MARCHF1: variants seen among roughly 807,000 people sequenced by gnomAD.
The protein encoded by MARCHF1 is membrane associated ring-CH-type finger 1.
In MARCHF1, 40 loss-of-function variants were observed where a neutral mutation model predicts 54.2. The observed-to-expected ratio is 0.74, with a 90% CI of 0.57 to 0.96. MARCHF1 has a LOEUF of 0.96. MARCHF1 is among the 40% of genes least tolerant of loss of function. MARCHF1 has a pLI of 0.00. For missense variants in MARCHF1, 586 were observed against 656.5 expected, an observed-to-expected ratio of 0.89 and a Z score of 1.17; for synonymous variants, 236 against 236.3, an observed-to-expected ratio of 1.00 and a Z score of 0.01.
intron 5 of MARCHF1, among the ~76,000 whole-genome samples, chr4:163,632,421 T>C (rs1027705320): frequency 1.3e-5 from 2 of 152,136 alleles, no homozygotes; most frequent in Non-Finnish European, 2.9e-5. Context: ...GGGCGAGGCA[T>C]TGCCTCACTC....
intron 5 of MARCHF1, among the ~76,000 whole-genome samples, chr4:163,674,037 G>A (rs1003537138): frequency 1.3e-5 from 2 of 152,138 alleles, no homozygotes; most frequent in Non-Finnish European, 2.9e-5. Flanking sequence ...CTGATAGGTG[G>A]TAGAAGGAGG....
At chr4:163,648,384 G>T (rs1181330168) in intron 5 of MARCHF1, among the ~76,000 whole-genome samples, 1 of 151,922 alleles carries the variant, frequency 6.6e-6, no homozygotes, top group Non-Finnish European at 1.5e-5. Flanking sequence ...AGGATTAGGA[G>T]TTCTGTGTTC....
rs767353741 is a variant in MARCHF1 at position 163,905,286 on chromosome 4, T to G, written c.-38-51117A>C. On this transcript the variant is annotated intron_variant, in intron 3 of 9. Coordinates refer to ENST00000514618, the MANE Select transcript of MARCHF1 (RefSeq NM_001394959.1). ...ATAATTTTCAATTCCATTCAACAAA[T>G]ACTTATCGAGTGCCCAATATGAACA... Among the ~76,000 whole-genome samples, 15 of 152,050 alleles carry G rather than the reference T, an allele frequency of 9.9e-5. 1 individual carries two copies. The highest frequency in any genetic ancestry group is 2.1e-4 in the Non-Finnish European group (14 of 67,988).
intron 2 of MARCHF1, among the ~76,000 whole-genome samples, chr4:164,001,788 A>G (rs1753190828): frequency 6.6e-6 from 1 of 151,806 alleles, no homozygotes; most frequent in Non-Finnish European, 1.5e-5. Flanking sequence ...ACGAGCTATA[A>G]AGAGAAAGCT....
intron 3 of MARCHF1, among the ~76,000 whole-genome samples, chr4:163,971,422 A>C (rs1752544958): frequency 1.3e-5 from 2 of 152,222 alleles, no homozygotes; most frequent in African/African-American, 4.8e-5. Context: ...AACTAAGGAA[A>C]CAGTTGTGTT....
At chr4:163,937,662 C>T (rs1051246306) in intron 3 of MARCHF1, among the ~76,000 whole-genome samples, 19 of 152,042 alleles carry the variant, frequency 1.2e-4, no homozygotes, top group African/African-American at 4.3e-4. Context: ...CCTAATTTTT[C>T]CTTGTAATCA....
intron 4 of MARCHF1, among the ~76,000 whole-genome samples, chr4:163,832,820 A>G (rs781090037): frequency 1.1e-5 from 1 of 88,470 alleles, no homozygotes; most frequent in Non-Finnish European, 2.7e-5. Flanking sequence ...ATTCCCACCT[A>G]CGAGTGAGAA....
At chr4:164,196,050 G>A (rs551833166) in intron 1 of MARCHF1, among the ~76,000 whole-genome samples, 1 of 151,980 alleles carries the variant, frequency 6.6e-6, no homozygotes, top group Non-Finnish European at 1.5e-5. Context: ...ACTGATAAAG[G>A]TATTATTGAT....
chr4:163,949,182 G>T (rs1420792972), intron 3 of MARCHF1, among the ~76,000 whole-genome samples: 1 of 152,228 alleles, frequency 6.6e-6, no homozygotes, highest in Non-Finnish European at 1.5e-5. Context: ...TGAGCATGGG[G>T]TCTGGCCACT....
At chr4:163,733,197 A>ATATATATATATATATACACGTG (rs1745906549) in intron 4 of MARCHF1, among the ~76,000 whole-genome samples, 10 of 32,310 alleles carry the variant, frequency 3.1e-4, no homozygotes, top group African/African-American at 6.4e-4. Flanking sequence ...ATATATATAT[A>ATATATATATATATATACACGTG]TATATATATA....
At chr4:163,813,985 C>T (rs1296421743) in intron 4 of MARCHF1, among the ~76,000 whole-genome samples, 1 of 152,148 alleles carries the variant, frequency 6.6e-6, no homozygotes, top group African/African-American at 2.4e-5. Context: ...GTGGCTTGGA[C>T]AGAATCCAGG....
chr4:164,037,382 T>C (rs1335150658), intron 2 of MARCHF1, among the ~76,000 whole-genome samples: 1 of 152,154 alleles, frequency 6.6e-6, no homozygotes, highest in African/African-American at 2.4e-5. Context: ...ATAGTTAATG[T>C]TAAGAAGCAT....
intron 3 of MARCHF1, among the ~76,000 whole-genome samples, chr4:163,928,908 A>G (rs1751595688): frequency 6.6e-6 from 1 of 151,850 alleles, no homozygotes; most frequent in Non-Finnish European, 1.5e-5. Flanking sequence ...ATAGTGTAGT[A>G]ATTGTCCTCA....
intron 5 of MARCHF1, among the ~76,000 whole-genome samples, chr4:163,620,606 C>CACACACACAGAG (rs1282901525): frequency 3.5e-5 from 2 of 56,870 alleles, no homozygotes; most frequent in African/African-American, 9.3e-5. Flanking sequence ...CACACACACA[C>CACACACACAGAG]AGAGAGAGAG....
chr4:163,598,767 T>C (rs538507396), intron 7 of MARCHF1, among the ~76,000 whole-genome samples: 2 of 152,320 alleles, frequency 1.3e-5, no homozygotes, highest in East Asian at 3.9e-4. Context: ...TACACTACTT[T>C]AGACTTTATA....
chr4:163,705,232 C>T (rs1253779358), intron 4 of MARCHF1, among the ~76,000 whole-genome samples: 3 of 151,424 alleles, frequency 2.0e-5, no homozygotes, highest in African/African-American at 7.3e-5. Flanking sequence ...ATTACGTATA[C>T]TATTATTGTC....
chr4:163,694,660 C>T (rs919942779), intron 5 of MARCHF1, among the ~76,000 whole-genome samples: 3 of 152,108 alleles, frequency 2.0e-5, no homozygotes, highest in African/African-American at 7.2e-5. Flanking sequence ...TAAACCTGAC[C>T]TAAGACAGAT....
At chr4:163,866,466 T>TTTTATATA (rs1553959583) in intron 3 of MARCHF1, among the ~76,000 whole-genome samples, 4 of 124,402 alleles carry the variant, frequency 3.2e-5, no homozygotes, top group African/African-American at 1.1e-4. Context: ...AAAGCTGTAG[T>TTTTATATA]TATATATATA....
intron 4 of MARCHF1, among the ~76,000 whole-genome samples, chr4:163,738,268 G>C (rs1295901638): frequency 6.6e-6 from 1 of 152,148 alleles, no homozygotes; most frequent in Non-Finnish European, 1.5e-5. Context: ...GTTTTTCTCA[G>C]TTTATGGTGG....
Sources: allele counts gnomAD v4.1 joint callset (sites outside exome capture counted in the v4.1 genomes callset), GRCh38; gene constraint gnomAD v4.1.1; transcripts MANE v1.5; gene names NCBI Gene and HGNC (gene_info 2026-07-23, HGNC 2026-07-21).